The following ARHGAP32 variants were observed in gnomAD, a reference collection of about 807,000 sequenced individuals.
ARHGAP32 encodes rho GTPase-activating protein 32.
A neutral mutation model predicts 186.5 loss-of-function variants in ARHGAP32; 51 were observed. That is an observed-to-expected ratio of 0.27 (90% CI 0.22 to 0.35). ARHGAP32 has a LOEUF of 0.35. Among genes scored for constraint, ARHGAP32 ranks in the 10% least tolerant of loss-of-function variants. ARHGAP32 has a pLI of 1.00. For synonymous variants in ARHGAP32, 950 were observed against 964.3 expected, an observed-to-expected ratio of 0.99 and a Z score of 0.27; for missense variants, 2,186 against 2,623.5, an observed-to-expected ratio of 0.83 and a Z score of 3.64.
chr11:129,088,552 A>C (rs1053536798), intron 6 of ARHGAP32, among the ~76,000 whole-genome samples: 3 of 152,126 alleles, frequency 2.0e-5, no homozygotes, highest in African/African-American at 7.2e-5. Context: ...TGCACTCCAG[A>C]CTGGTGACAG....
At chr11:129,007,824 C>T (rs1165293347) in intron 11 of ARHGAP32, among the ~76,000 whole-genome samples, 1 of 152,148 alleles carries the variant, frequency 6.6e-6, no homozygotes, top group Non-Finnish European at 1.5e-5. Context: ...GCCTAGACTG[C>T]TTTTCAAATT....
chr11:129,044,887 C>CAA (rs767398459), intron 10 of ARHGAP32, among the ~76,000 whole-genome samples: 1 of 125,358 alleles, frequency 8.0e-6, no homozygotes, highest in African/African-American at 2.9e-5. Flanking sequence ...TATCTTTTGG[C>CAA]AAAAAAAAAA....
At chr11:129,155,358 G>C (rs1000975680) in intron 2 of ARHGAP32, among the ~76,000 whole-genome samples, 10 of 152,156 alleles carry the variant, frequency 6.6e-5, no homozygotes, top group African/African-American at 2.4e-4. Context: ...ATACTTTTAA[G>C]GCACAGGTGA....
At chr11:129,148,127 G>A (rs181466239) in intron 2 of ARHGAP32, among the ~76,000 whole-genome samples, 2 of 152,176 alleles carry the variant, frequency 1.3e-5, no homozygotes, top group African/African-American at 4.8e-5. Flanking sequence ...CTCCCACTTG[G>A]ACAGACAGAA....
intron 1 of ARHGAP32, among the ~76,000 whole-genome samples, chr11:129,165,377 TC>T (rs1943615138): frequency 6.6e-6 from 1 of 151,446 alleles, no homozygotes; most frequent in African/African-American, 2.4e-5. Flanking sequence ...ACCCCTGAGC[TC>T]TTATGTGTGA....
At chr11:128,999,753 T>C (rs1202695485) in intron 11 of ARHGAP32, among the ~76,000 whole-genome samples, 1 of 152,190 alleles carries the variant, frequency 6.6e-6, no homozygotes. Context: ...CGATATCTTC[T>C]CACCACCTTA....
At chr11:129,046,901 G>C (rs1030147257) in intron 10 of ARHGAP32, among the ~76,000 whole-genome samples, 2 of 152,036 alleles carry the variant, frequency 1.3e-5, no homozygotes, top group Non-Finnish European at 2.9e-5. Flanking sequence ...GAGGCGGGCG[G>C]ATCATGAGGT....
At chr11:129,053,861 C>A (rs533286894) in intron 10 of ARHGAP32, among the ~76,000 whole-genome samples, 1 of 152,052 alleles carries the variant, frequency 6.6e-6, no homozygotes, top group Admixed American at 6.5e-5. Context: ...AAACATTTTG[C>A]TCTATTTGAT....
intron 5 of ARHGAP32, among the ~76,000 whole-genome samples, chr11:129,121,174 G>T (rs958872534): frequency 1.3e-5 from 2 of 151,634 alleles, no homozygotes; most frequent in African/African-American, 4.8e-5. Flanking sequence ...AGGTTAATAT[G>T]ATTGTTTTTT....
chr11:129,252,380 T>G (rs1474692544), intron 1 of ARHGAP32, among the ~76,000 whole-genome samples: 7 of 152,224 alleles, frequency 4.6e-5, no homozygotes, highest in African/African-American at 1.7e-4. Context: ...AATAATACAC[T>G]GTTTTCACTT....
upstream of ARHGAP32, among the ~76,000 whole-genome samples, chr11:129,193,689 TTATATAA>T (rs1362495871): frequency 6.6e-4 from 16 of 24,418 alleles, no homozygotes; most frequent in African/African-American, 1.9e-3. Flanking sequence ...ATAATATATA[TTATATAA>T]TATATAATAT....
At chr11:129,166,257 TA>T (rs555696518) in intron 1 of ARHGAP32, among the ~76,000 whole-genome samples, 103 of 151,134 alleles carry the variant, frequency 6.8e-4, no homozygotes, top group Non-Finnish European at 1.2e-3. Flanking sequence ...AGACTTGGTT[TA>T]AAAAAAAAGA....
intron 11 of ARHGAP32, among the ~76,000 whole-genome samples, chr11:129,023,586 A>T (rs1255301915): frequency 6.6e-6 from 1 of 152,236 alleles, no homozygotes; most frequent in Admixed American, 6.5e-5. Flanking sequence ...GCTGATTGGA[A>T]ATAGGAGAAA....
chr11:129,275,724 C>T (rs73584250), intron 1 of ARHGAP32, among the ~76,000 whole-genome samples: 47,032 of 152,112 alleles, frequency 0.31, 7,616 homozygotes, highest in Middle Eastern at 0.4. Flanking sequence ...TGTGTTCCTA[C>T]AAAACTTTAC....
At chr11:129,222,510 A>G (rs958036449) in intron 1 of ARHGAP32, among the ~76,000 whole-genome samples, 3 of 152,198 alleles carry the variant, frequency 2.0e-5, no homozygotes, top group African/African-American at 7.2e-5. Context: ...TAAGTGTAAA[A>G]ATAATTCACA....
At chr11:129,034,232 T>C (rs1398540894) in intron 11 of ARHGAP32, among the ~76,000 whole-genome samples, 1 of 152,194 alleles carries the variant, frequency 6.6e-6, no homozygotes, top group Admixed American at 6.5e-5. Context: ...AGGGGAATAA[T>C]GTCTCCATAT....
At chr11:129,229,728 A>G (rs1477920578) in intron 1 of ARHGAP32, among the ~76,000 whole-genome samples, 2 of 152,198 alleles carry the variant, frequency 1.3e-5, no homozygotes, top group East Asian at 1.9e-4. Context: ...AAATCCAATT[A>G]CTTAAGGATT....
rs775165008 is a variant in ARHGAP32, at chr11:128,969,159, C to T, written c.6054G>A (p.Leu2018=). ...GCTTGCCGTGTGGTTGGTACTGGTA[C>T]AGCACACTGGGGTCCCTCTCCACGT... The part of the protein sequence containing the change: ...TQNVERDPSV[L]YQYQPHGKRQ... Residue 2018 remains leucine (L), a synonymous_variant, in exon 23 of 23, where the codon CTG becomes CTA. Coordinates refer to ENST00000682385, the MANE Select transcript of ARHGAP32 (RefSeq NM_001378024.1). The surrounding 1 kb of genome is among the most constrained non-coding windows in gnomAD (Gnocchi z 4.8). The T allele has an allele frequency of 1.2e-6, 2 of 1,612,732 alleles. No homozygotes were observed. Among genetic ancestry groups the T allele is most frequent in the South Asian group, 2.2e-5 (2 of 90,710 alleles).
chr11:129,176,568 C>T lies in ARHGAP32; in HGVS notation c.117-12141G>A, dbSNP rs1365688961. Among the ~76,000 whole-genome samples, 3 of 149,086 alleles carry T rather than the reference C, an allele frequency of 2.0e-5. No homozygotes were observed. In the South Asian group the frequency reaches 6.5e-4, roughly 32 times the overall value. On this transcript the variant is annotated intron_variant, in intron 1 of 22. Coordinates refer to ENST00000682385, the MANE Select transcript of ARHGAP32 (RefSeq NM_001378024.1). ...TCTCCTCAGCAAATGTAAAAGAACA[C>T]AAATTATAACAAACTATCTCTCAGA... is the stretch of plus-strand genomic sequence containing the variant.
Sources: allele counts gnomAD v4.1 joint callset (sites outside exome capture counted in the v4.1 genomes callset), GRCh38; gene constraint gnomAD v4.1.1; non-coding constraint Gnocchi (gnomAD v3.1); transcripts MANE v1.5; gene names NCBI Gene and HGNC (gene_info 2026-07-23, HGNC 2026-07-21).